Variants in ZNF431 observed in about 807,000 individuals in gnomAD.
The protein encoded by ZNF431 is zinc finger protein 431.
A neutral mutation model predicts 57.0 loss-of-function variants in ZNF431; 34 were observed. The observed-to-expected ratio is 0.60, with a 90% confidence interval of 0.45 to 0.79. The LOEUF (loss-of-function observed/expected upper bound fraction) is 0.79, where lower values mean the gene tolerates loss of function less well. Ranked by LOEUF, ZNF431 falls within the 30% of genes least tolerant of loss-of-function variation. The pLI, the probability that ZNF431 is intolerant of heterozygous loss-of-function variation, is 0.00. For synonymous variants in ZNF431, 207 were observed against 220.3 expected (o/e 0.94, Z 0.54); for missense variants, 607 against 667.1 (o/e 0.91, Z 0.99).
Position 21,186,889 on chromosome 19 carries a change from T to A in ZNF431, c.*2855T>A, listed in dbSNP as rs886946144. The A allele has an allele frequency of 1.1e-4, 17 of 152,200 alleles. No individual in the cohort carries two copies. Among genetic ancestry groups the A allele is most frequent in the Non-Finnish European group, 2.2e-4 (15 of 68,026 alleles). The allele number at this position is 152,200 out of a possible 1,614,324, so 9.4% of individuals were successfully genotyped here. A position where few individuals can be genotyped will look rare whatever the true frequency, so the allele number is the denominator to read the frequency against. On this transcript the variant is annotated 3_prime_UTR_variant, in exon 5 of 5. Coordinates refer to ENST00000311048, the MANE Select transcript of ZNF431 (RefSeq NM_133473.4). ...AGAGGAGAACAATATATAGGTTTTC[T>A]TTAGTGATTTGTTCCTTTCACTTTT...
At position 21,183,919 on chromosome 19, in the gene ZNF431, C is replaced by T. The variant is rs1971291108; in HGVS notation, c.1616C>T (p.Pro539Leu). ...AGGAAAATTCATACTAGACAGAAAC[C>T]CTACAACTGTGAAGAATGTGACAAT... ...KHRKIHTRQK[P>L]YNCEECDNTF... The change falls in exon 5 of 5, where the codon CCC (proline) becomes CTC (leucine). Residue 539 changes from proline (P) to leucine (L), a missense_variant. Pro to Leu is a moderately conservative substitution (Grantham distance 98). Transcript: ENST00000311048. 1 of 1,613,710 alleles carries T rather than the reference C, an allele frequency of 6.2e-7. No individual in the cohort carries two copies. The highest frequency in any genetic ancestry group is 2.2e-5 in the East Asian group (1 of 44,870).
rs1477150640 is a variant in ZNF431 at position 21,192,861 on chromosome 19, T to C, written c.*8827T>C. On this transcript the variant is annotated 3_prime_UTR_variant, in exon 5 of 5. Coordinates refer to ENST00000311048, the MANE Select transcript of ZNF431 (RefSeq NM_133473.4). ...TTTTTTTCTCTTTGCACTCTGCATATATTTAAGTTTTAGAGATGTGAAATC... is the reference window on the plus strand; with the variant it reads ...TTTTTTTCTCTTTGCACTCTGCATACATTTAAGTTTTAGAGATGTGAAATC... 6.6e-6 allele frequency: 1 copy of C among 152,204 alleles called. No individual in the cohort carries two copies. The highest frequency in any genetic ancestry group is 1.5e-5 in the Non-Finnish European group (1 of 68,042). The allele number at this position is 152,204 out of a possible 1,614,324, so 9.4% of individuals were successfully genotyped here. A position where few individuals can be genotyped will look rare whatever the true frequency, so the allele number is the denominator to read the frequency against.
At position 21,143,607 on chromosome 19, in the gene ZNF431, T is replaced by G; in HGVS notation, c.60T>G (p.Ala20=). ...AGGAAGCAAGTGGATGCCCTGGGGCTGAGAGGAATCTTCTAGTTTACTCTT... is the reference window on the plus strand; with the variant it reads ...AGGAAGCAAGTGGATGCCCTGGGGCGGAGAGGAATCTTCTAGTTTACTCTT... ...PLKEASGCPG[A]ERNLLVYSYF... is the part of the protein sequence containing the mutation. The change falls in exon 2 of 5, where the codon GCT becomes GCG. Residue 20 remains alanine, a synonymous_variant. Coordinates refer to ENST00000311048, the MANE Select transcript of ZNF431 (RefSeq NM_133473.4). The G allele has an allele frequency of 6.2e-7, 1 of 1,614,058 alleles. No homozygotes were observed. The highest frequency in any genetic ancestry group is 8.5e-7 in the Non-Finnish European group (1 of 1,179,892).
At chr19:21,151,934 CT>C (rs770987778) in intron 2 of ZNF431, among the ~76,000 whole-genome samples, 1 of 152,278 alleles carries the variant, frequency 6.6e-6, no homozygotes, top group Non-Finnish European at 1.5e-5. Context: ...AATTTGTACA[CT>C]TTTGCCAGCA....
At chr19:21,149,092 A>G (rs1970191707) in intron 2 of ZNF431, among the ~76,000 whole-genome samples, 1 of 152,174 alleles carries the variant, frequency 6.6e-6, no homozygotes. Context: ...TTTTTAAATA[A>G]CCAGTCATTT....
chr19:21,172,766 T>G (rs1305470636), intron 4 of ZNF431, among the ~76,000 whole-genome samples: 6 of 152,190 alleles, frequency 3.9e-5, no homozygotes, highest in Non-Finnish European at 8.8e-5. Flanking sequence ...CCGCTGCACT[T>G]TAGCTTGGGT....
chr19:21,143,556 CT>C lies in ZNF431; in HGVS notation c.11del (p.Leu4Ter), dbSNP rs750878961. On this transcript the variant is annotated frameshift_variant, in exon 2 of 5. Coordinates refer to ENST00000311048, the MANE Select transcript of ZNF431 (RefSeq NM_133473.4). LOFTEE classifies it high-confidence loss of function. ...TGGTTTATTTTCTTCCATAGGACGA[CT>C]TGAAATATGGAGTGTATCCTCTCAA... MDDLKYGVYPLKEA... is the reference protein window; with the variant it reads MDDXKYGVYPLKEA... 1.9e-5 allele frequency: 30 copies of C among 1,613,216 alleles called. No individual in the cohort carries two copies. The South Asian group carries it at 3.3e-4, about 18-fold the overall frequency.
At chr19:21,180,999 C>A (rs1971195768) in intron 4 of ZNF431, among the ~76,000 whole-genome samples, 1 of 149,210 alleles carries the variant, frequency 6.7e-6, no homozygotes, top group African/African-American at 2.4e-5. Flanking sequence ...CTCATTATAT[C>A]TGCCTTCAAA....
At chr19:21,144,929 C>T (rs1970040479) in intron 2 of ZNF431, among the ~76,000 whole-genome samples, 2 of 152,026 alleles carry the variant, frequency 1.3e-5, no homozygotes, top group Admixed American at 1.3e-4. Flanking sequence ...CTTGGTATCA[C>T]CTAGAAGTAT....
At chr19:21,148,029 C>T (rs1347405865) in intron 2 of ZNF431, among the ~76,000 whole-genome samples, 1 of 151,344 alleles carries the variant, frequency 6.6e-6, no homozygotes, top group African/African-American at 2.4e-5. Flanking sequence ...AGAGTCTCGC[C>T]CCGTTGCCTA....
At chr19:21,150,795 A>G (rs747973447) in intron 2 of ZNF431, among the ~76,000 whole-genome samples, 1 of 152,182 alleles carries the variant, frequency 6.6e-6, no homozygotes, top group Non-Finnish European at 1.5e-5. Flanking sequence ...TAGTTATTAC[A>G]TGCCAAGTTT....
At chr19:21,166,932 G>A (rs947214738) in intron 3 of ZNF431, among the ~76,000 whole-genome samples, 1 of 152,032 alleles carries the variant, frequency 6.6e-6, no homozygotes, top group Non-Finnish European at 1.5e-5. Flanking sequence ...GTGCGATCTT[G>A]GCTCACTGCA....
intron 2 of ZNF431, among the ~76,000 whole-genome samples, chr19:21,146,043 C>G (rs1268001730): frequency 6.6e-6 from 1 of 152,080 alleles, no homozygotes; most frequent in African/African-American, 2.4e-5. Context: ...GCAGCTGATT[C>G]TTTTAATTGG....
At chr19:21,146,667 A>G (rs1015949152) in intron 2 of ZNF431, among the ~76,000 whole-genome samples, 5 of 152,132 alleles carry the variant, frequency 3.3e-5, no homozygotes, top group Non-Finnish European at 7.4e-5. Context: ...CACTCTCGTC[A>G]CATCTTGGTT....
chr19:21,177,748 A>T (rs925969102), intron 4 of ZNF431, among the ~76,000 whole-genome samples: 3 of 152,120 alleles, frequency 2.0e-5, no homozygotes, highest in Admixed American at 6.6e-5. Flanking sequence ...AGATCATGCC[A>T]TTGCACTCCT....
chr19:21,167,852 A>G (rs1970766944), intron 4 of ZNF431, among the ~76,000 whole-genome samples, 186 bp downstream of exon 4: 1 of 152,174 alleles, frequency 6.6e-6, no homozygotes. Flanking sequence ...ATGCTTTTAA[A>G]TTCTCTAAGA....
intron 2 of ZNF431, among the ~76,000 whole-genome samples, chr19:21,165,196 A>G (rs773234627): frequency 6.6e-6 from 1 of 152,108 alleles, no homozygotes; most frequent in Non-Finnish European, 1.5e-5. Context: ...GATCTGCCAT[A>G]TTAAAAGTGT....
chr19:21,189,719 A>C lies in ZNF431; in HGVS notation c.*5685A>C, dbSNP rs1971465828. ...TGATGGTCACCATTTTACTCTCTAC[A>C]TCAATGGGATTAAGTTTTTTGGAAT... On this transcript the variant is annotated 3_prime_UTR_variant, in exon 5 of 5. Transcript: ENST00000311048. 5.1e-6 allele frequency: 2 copies of C among 391,224 alleles called. No individual in the cohort carries two copies. The highest frequency in any genetic ancestry group is 9.0e-6 in the Non-Finnish European group (2 of 222,110). The allele number at this position is 391,224 out of a possible 1,614,324, so 24.2% of individuals were successfully genotyped here.
intron 4 of ZNF431, among the ~76,000 whole-genome samples, chr19:21,180,995 A>G (rs1796110995): frequency 1.3e-5 from 2 of 150,962 alleles, no homozygotes; most frequent in African/African-American, 2.4e-5. Context: ...TTTTCTCATT[A>G]TATCTGCCTT....
Sources: gnomAD v4.1 joint callset for allele counts (sites outside exome capture counted in the v4.1 genomes callset) on GRCh38, gnomAD v4.1.1 for gene constraint, MANE v1.5 for transcripts, NCBI Gene and HGNC (gene_info 2026-07-23, HGNC 2026-07-21) for gene names.